The following INSL6 variants were observed in gnomAD, a reference collection of about 807,000 sequenced individuals.
INSL6 encodes the protein insulin-like peptide INSL6.
In INSL6, 16 loss-of-function variants were observed where a neutral mutation model predicts 9.4. That is an observed-to-expected ratio of 1.70 (90% CI 1.15 to 2.59). The LOEUF (loss-of-function observed/expected upper bound fraction) is 2.59. Among genes scored for constraint, INSL6 ranks in the 30% most tolerant of loss-of-function variants. The pLI is 0.00. For missense variants in INSL6, 391 were observed against 257.3 expected, an observed-to-expected ratio of 1.52 and a Z score of -3.56; for synonymous variants, 154 against 96.9, an observed-to-expected ratio of 1.59 and a Z score of -3.46.
At chr9:5,167,788 A>C (rs115674157) in intron 1 of INSL6, among the ~76,000 whole-genome samples, 1,544 of 152,202 alleles carry the variant, frequency 0.01, 17 homozygotes, top group African/African-American at 0.036. Flanking sequence ...TATTCCTCCA[A>C]ACTGGGTGAG....
chr9:5,102,817 TA>T, the INSL6 span, among the ~76,000 whole-genome samples: 1 of 152,128 alleles, frequency 6.6e-6, no homozygotes, highest in Non-Finnish European at 1.5e-5. Flanking sequence ...GAAGGAGAAA[TA>T]AAATCCTTTA....
the INSL6 span, chr9:5,112,611 T>A: frequency 1.2e-6 from 1 of 867,380 alleles, no homozygotes; most frequent in Non-Finnish European, 1.8e-6. Context: ...CTGGGGCGCA[T>A]GTGGCAACTG....
At chr9:5,181,998 A>G (rs1825466122) in intron 1 of INSL6, among the ~76,000 whole-genome samples, 1 of 152,180 alleles carries the variant, frequency 6.6e-6, no homozygotes, top group Admixed American at 6.5e-5. Context: ...CACTCTGAAG[A>G]GCAATCTGAT....
At chr9:5,062,525 A>AG in the INSL6 span, among the ~76,000 whole-genome samples, 2 of 141,032 alleles carry the variant, frequency 1.4e-5, no homozygotes, top group Admixed American at 1.4e-4. Flanking sequence ...AAAAAAAAAA[A>AG]AAAAAAGGTC....
the INSL6 span, among the ~76,000 whole-genome samples, chr9:5,115,485 T>C: frequency 2.0e-5 from 3 of 152,294 alleles, no homozygotes; most frequent in Middle Eastern, 6.8e-3. Flanking sequence ...AGTTCAACCA[T>C]TGTGGAAGAC....
chr9:5,069,035 T>A, the INSL6 span: 1 of 1,579,990 alleles, frequency 6.3e-7, no homozygotes, highest in Non-Finnish European at 8.6e-7. Context: ...GAAAATGTCA[T>A]TGAATATAAA....
At chr9:5,011,010 G>C in the INSL6 span, among the ~76,000 whole-genome samples, 3 of 152,042 alleles carry the variant, frequency 2.0e-5, no homozygotes, top group African/African-American at 7.2e-5. Flanking sequence ...TCTTGTCTTG[G>C]TTCTCCTGTA....
chr9:5,179,370 G>A (rs947700136), intron 1 of INSL6, among the ~76,000 whole-genome samples: 1 of 152,164 alleles, frequency 6.6e-6, no homozygotes, highest in Non-Finnish European at 1.5e-5. Context: ...ATGCTGGCAA[G>A]GTTGTGGAGA....
At chr9:5,077,786 A>G in the INSL6 span, among the ~76,000 whole-genome samples, 5 of 152,236 alleles carry the variant, frequency 3.3e-5, no homozygotes, top group Non-Finnish European at 5.9e-5. Flanking sequence ...TTGTCATCCC[A>G]TCAATATCTT....
intron 1 of INSL6, among the ~76,000 whole-genome samples, chr9:5,172,261 G>A (rs1825198724): frequency 1.3e-5 from 2 of 151,558 alleles, no homozygotes; most frequent in South Asian, 4.2e-4. Context: ...TTTAATAAAT[G>A]GTGCTGGGAG....
rs752714146 is a variant in INSL6 at position 5,185,592 on chromosome 9, A to C, written c.11T>G (p.Leu4Arg). ...AAGCCACAGCAGGGACAAGCGGAGGAGCCGCGGCATCCCTGTGACCCCAGG... is the reference window on the plus strand; with the variant it reads ...AAGCCACAGCAGGGACAAGCGGAGGCGCCGCGGCATCCCTGTGACCCCAGG... Reference protein sequence around the residue: MPRLLRLSLLWLGL... With the variant: MPRRLRLSLLWLGL... The change falls in exon 1 of 2, where the codon CTC becomes CGC. Residue 4 changes from leucine to arginine, a missense_variant. Transcript: ENST00000381641. 1.2e-5 allele frequency: 20 copies of C among 1,612,538 alleles called. No homozygotes were observed. The South Asian group carries it at 1.8e-4, about 14-fold the overall frequency.
the INSL6 span, among the ~76,000 whole-genome samples, chr9:4,995,769 C>T: frequency 2.2e-3 from 336 of 152,216 alleles, 2 homozygotes; most frequent in African/African-American, 7.5e-3. Context: ...GCCAATTATT[C>T]ATTTTAGTTA....
At chr9:5,122,089 A>G (rs1329423871), downstream of INSL6, among the ~76,000 whole-genome samples, 1 of 152,200 alleles carries the variant, frequency 6.6e-6, no homozygotes, top group Non-Finnish European at 1.5e-5. Context: ...CCTGAGGGCA[A>G]TAAGACCTGG....
chr9:5,037,044 C>T, the INSL6 span, among the ~76,000 whole-genome samples: 27 of 152,252 alleles, frequency 1.8e-4, no homozygotes, highest in African/African-American at 5.1e-4. Context: ...AAAAAGTGGG[C>T]GAAGGATACG....
chr9:5,004,471 CT>C, the INSL6 span, among the ~76,000 whole-genome samples: 4 of 152,048 alleles, frequency 2.6e-5, no homozygotes, highest in African/African-American at 4.8e-5. Context: ...AGATTTTCTT[CT>C]TTTTTTAAGG....
chr9:5,156,686 G>A (rs148843131), intron 2 of INSL6, among the ~76,000 whole-genome samples: 1,547 of 152,158 alleles, frequency 0.01, 18 homozygotes, highest in African/African-American at 0.036. Context: ...AATGCAATGA[G>A]TCAATAAAAA....
chr9:5,110,629 A>G, the INSL6 span: 4 of 199,892 alleles, frequency 2.0e-5, no homozygotes, highest in Non-Finnish European at 4.1e-5. Context: ...ACAGGCTTTT[A>G]CTCTAAAGAC....
the INSL6 span, among the ~76,000 whole-genome samples, chr9:5,000,222 C>A: frequency 4.6e-5 from 7 of 151,792 alleles, no homozygotes; most frequent in Middle Eastern, 3.2e-3. Context: ...TTTATTTCCT[C>A]TATCATTTTT....
chr9:5,081,912 A>G, the INSL6 span: 181 of 1,456,584 alleles, frequency 1.2e-4, no homozygotes, highest in Non-Finnish European at 1.5e-4. Context: ...CATTTAGGAA[A>G]AACTTAAGAG....
Sources: gnomAD v4.1 joint callset for allele counts (sites outside exome capture counted in the v4.1 genomes callset) on GRCh38, gnomAD v4.1.1 for gene constraint, MANE v1.5 for transcripts, NCBI Gene and HGNC (gene_info 2026-07-23, HGNC 2026-07-21) for gene names.